Variants in ADGRE3 observed in about 807,000 individuals in gnomAD.
ADGRE3 encodes the protein EGF-like module receptor 3.
A neutral mutation model predicts 80.1 loss-of-function variants in ADGRE3; 88 were observed. The observed-to-expected ratio is 1.10, with a 90% CI of 0.93 to 1.31. ADGRE3 has a LOEUF of 1.31. Among genes scored for constraint, ADGRE3 ranks in the 40% most tolerant of loss-of-function variants. The pLI is 0.00. For missense variants in ADGRE3, 715 were observed against 776.5 expected, an observed-to-expected ratio of 0.92 and a Z score of 0.94; for synonymous variants, 281 against 294.8, an observed-to-expected ratio of 0.95 and a Z score of 0.48.
chr19:14,659,744 C>T (rs1039408170), intron 4 of ADGRE3, among the ~76,000 whole-genome samples: 1 of 136,594 alleles, frequency 7.3e-6, no homozygotes, highest in African/African-American at 2.8e-5. Flanking sequence ...TCTCTTGAAC[C>T]TAGGAGGCAA....
intron 9 of ADGRE3, among the ~76,000 whole-genome samples, chr19:14,642,527 C>T (rs994606490): frequency 1.3e-5 from 2 of 152,106 alleles, no homozygotes; most frequent in African/African-American, 2.4e-5. Flanking sequence ...ATTTCATCAC[C>T]CAGGTATTAA....
intron 4 of ADGRE3, among the ~76,000 whole-genome samples, chr19:14,661,531 C>A (rs969801593): frequency 1.3e-5 from 2 of 152,210 alleles, no homozygotes; most frequent in African/African-American, 4.8e-5. Flanking sequence ...CTTGTCACAT[C>A]CTCCATCTCC....
At chr19:14,602,596 T>C in the ADGRE3 span, among the ~76,000 whole-genome samples, 2 of 151,910 alleles carry the variant, frequency 1.3e-5, no homozygotes, top group South Asian at 4.2e-4. Flanking sequence ...CCCAGCCTAA[T>C]TGGTATTTTT....
At chr19:14,649,174 C>G (rs1971506693) in intron 7 of ADGRE3, among the ~76,000 whole-genome samples, 1 of 150,788 alleles carries the variant, frequency 6.6e-6, no homozygotes, top group African/African-American at 2.4e-5. Flanking sequence ...CCCCATCTCT[C>G]TCTTTCCACC....
chr19:14,607,543 T>C, the ADGRE3 span, among the ~76,000 whole-genome samples: 4 of 142,910 alleles, frequency 2.8e-5, no homozygotes, highest in Middle Eastern at 3.7e-3. Flanking sequence ...TTGTTTTATT[T>C]TATTTTATTA....
chr19:14,615,809 G>C (rs1243644775), downstream of ADGRE3, among the ~76,000 whole-genome samples: 3 of 151,056 alleles, frequency 2.0e-5, no homozygotes, highest in Non-Finnish European at 4.4e-5. Flanking sequence ...GCCCAACCTA[G>C]AGTGCAGTGG....
At chr19:14,623,655 T>C (rs1000787693) in intron 15 of ADGRE3, among the ~76,000 whole-genome samples, 5 of 152,166 alleles carry the variant, frequency 3.3e-5, no homozygotes, top group Non-Finnish European at 7.4e-5. Flanking sequence ...CTGGAGCCTG[T>C]TCCATGGCGT....
rs1972107926 is a variant in ADGRE3 at position 14,666,389 on chromosome 19, T to C, written c.76+2413A>G. 2.6e-5 allele frequency among the ~76,000 whole-genome samples: 4 copies of C among 152,058 alleles called. No individual in the cohort carries two copies. In the South Asian group the frequency reaches 8.3e-4, roughly 32 times the overall value. On this transcript the variant is annotated intron_variant, in intron 2 of 15. Coordinates refer to ENST00000253673, the MANE Select transcript of ADGRE3 (RefSeq NM_032571.5). Reference sequence around the variant, plus strand: ...ATGTTTCTTGGCCTATTTTTTTTTTTTTTTAAAGACAGAGTCTCGCTCTGT... The same window carrying C: ...ATGTTTCTTGGCCTATTTTTTTTTTCTTTTAAAGACAGAGTCTCGCTCTGT...
the ADGRE3 span, among the ~76,000 whole-genome samples, chr19:14,604,159 GCT>G: frequency 6.6e-6 from 1 of 152,164 alleles, no homozygotes; most frequent in South Asian, 2.1e-4. Context: ...AGACCTTTCC[GCT>G]CTCTGATTTT....
chr19:14,600,166 A>C, the ADGRE3 span: 8 of 1,614,026 alleles, frequency 5.0e-6, no homozygotes, highest in Non-Finnish European at 6.8e-6. Flanking sequence ...GTCATCATCA[A>C]TAGCTTTGCT....
At chr19:14,625,207 T>C (rs1970704134) in intron 15 of ADGRE3, among the ~76,000 whole-genome samples, 1 of 152,152 alleles carries the variant, frequency 6.6e-6, no homozygotes, top group Non-Finnish European at 1.5e-5. Context: ...CTTGAACTCC[T>C]GACCTCAGGT....
the ADGRE3 span, among the ~76,000 whole-genome samples, chr19:14,609,555 G>A: frequency 2.6e-5 from 4 of 151,822 alleles, no homozygotes; most frequent in Non-Finnish European, 5.9e-5. Context: ...ATTGATTAAG[G>A]GGCCAGGCAC....
the ADGRE3 span, among the ~76,000 whole-genome samples, chr19:14,604,243 C>T: frequency 1.3e-5 from 2 of 152,252 alleles, no homozygotes; most frequent in East Asian, 3.9e-4. Flanking sequence ...TCTCCAAACC[C>T]ATCTGGGGTT....
intron 14 of ADGRE3, among the ~76,000 whole-genome samples, chr19:14,627,204 G>A (rs1970758106): frequency 6.6e-6 from 1 of 152,050 alleles, no homozygotes; most frequent in Non-Finnish European, 1.5e-5. Flanking sequence ...GTAATGACAA[G>A]CATTTCCCCA....
At chr19:14,600,718 A>G in the ADGRE3 span, among the ~76,000 whole-genome samples, 2 of 149,946 alleles carry the variant, frequency 1.3e-5, no homozygotes, top group Non-Finnish European at 3.0e-5. Flanking sequence ...AGTAGCTGGG[A>G]CTACAGGTGC....
intron 15 of ADGRE3, among the ~76,000 whole-genome samples, chr19:14,625,263 A>C (rs1304826010): frequency 1.3e-5 from 2 of 152,204 alleles, no homozygotes; most frequent in African/African-American, 4.8e-5. Context: ...TACAGGCATG[A>C]GCCACCATGC....
intron 14 of ADGRE3, among the ~76,000 whole-genome samples, chr19:14,627,311 A>G (rs1026684020): frequency 2.0e-5 from 3 of 152,212 alleles, no homozygotes; most frequent in Non-Finnish European, 4.4e-5. Flanking sequence ...AAATAAATAC[A>G]TAACAATAAC....
At position 14,636,159 on chromosome 19, in the gene ADGRE3, CTCCTT is replaced by C. The variant is rs1384584899; in HGVS notation, c.1484+1941_1484+1945del. On this transcript the variant is annotated intron_variant, in intron 11 of 15. Transcript: ENST00000253673. The stretch of plus-strand genomic sequence containing the variant: ...CTTTCTTTCTTTCTTTCTTCCTTTC[CTCCTT>C]TCCTTTCCTTTCCTTCCTCTTTCTT... Among the ~76,000 whole-genome samples, 32 of 26,116 alleles carry C rather than the reference CTCCTT, an allele frequency of 1.2e-3. 6 individuals are homozygous for C. The highest frequency in any genetic ancestry group is 6.3e-3 in the Admixed American group (12 of 1,904). The allele number at this position is 26,116 out of a possible 152,430, so 17.1% of individuals were successfully genotyped here. A position where few individuals can be genotyped will look rare whatever the true frequency, so the allele number is the denominator to read the frequency against.
rs1440236865 is a variant in ADGRE3 at position 14,670,241 on chromosome 19, G to C, written c.26-1389C>G. ...TTGTCCCTTCACCTGTTGTCTCAGG[G>C]TGTTGGGCTTGTTTGGGCTTCCTTC... On this transcript the variant is annotated intron_variant, in intron 1 of 15. Transcript: ENST00000253673. 2.0e-5 allele frequency among the ~76,000 whole-genome samples: 3 copies of C among 152,088 alleles called. 1 individual carries two copies. The highest frequency in any genetic ancestry group is 2.0e-4 in the Admixed American group (3 of 15,222).
Sources: gnomAD v4.1 joint callset for allele counts (sites outside exome capture counted in the v4.1 genomes callset) on GRCh38, gnomAD v4.1.1 for gene constraint, MANE v1.5 for transcripts, NCBI Gene and HGNC (gene_info 2026-07-23, HGNC 2026-07-21) for gene names.